The following NETO2 variants were observed in gnomAD, a reference collection of about 807,000 sequenced individuals.
NETO2 encodes neuropilin and tolloid like 2.
NETO2 carries 28 observed loss-of-function variants against 62.5 expected under a neutral mutation model. That is an observed-to-expected ratio of 0.45 (90% CI 0.33 to 0.61). The LOEUF (loss-of-function observed/expected upper bound fraction) is 0.61, where lower values mean the gene tolerates loss of function less well. Ranked by LOEUF, NETO2 falls within the 20% of genes least tolerant of loss-of-function variation. The pLI, the probability that NETO2 is intolerant of heterozygous loss-of-function variation, is 0.02. For missense variants in NETO2, 548 were observed against 643.2 expected, an observed-to-expected ratio of 0.85 and a Z score of 1.60; for synonymous variants, 214 against 219.1, an observed-to-expected ratio of 0.98 and a Z score of 0.21.
chr16:47,118,609 T>G (rs1249729774), intron 6 of NETO2, among the ~76,000 whole-genome samples: 1 of 152,258 alleles, frequency 6.6e-6, no homozygotes, highest in Non-Finnish European at 1.5e-5. Context: ...AATCATTATT[T>G]ATAATATTCT....
rs1183179839 is a variant in NETO2, at chr16:47,082,439, T to C, written c.*782A>G. The stretch of plus-strand genomic sequence containing the variant: ...TACTTGGTAAACTTCAAAGGCTTGC[T>C]AGAAATTTTTATCTTTTTCAAATTT... On this transcript the variant is annotated 3_prime_UTR_variant, in exon 9 of 9. Transcript: ENST00000562435. 1 of 152,262 alleles carries C rather than the reference T, an allele frequency of 6.6e-6. No homozygotes were observed. The highest frequency in any genetic ancestry group is 6.5e-5 in the Admixed American group (1 of 15,290). The allele number at this position is 152,262 out of a possible 1,614,324, so 9.4% of individuals were successfully genotyped here.
chr16:47,124,363 A>T (rs945599659), intron 4 of NETO2, among the ~76,000 whole-genome samples: 4 of 152,202 alleles, frequency 2.6e-5, no homozygotes, highest in Non-Finnish European at 5.9e-5. Context: ...TTGCATTAAA[A>T]TGTCCATAAT....
At chr16:47,130,853 A>G (rs1332144433) in intron 2 of NETO2, among the ~76,000 whole-genome samples, 2 of 152,196 alleles carry the variant, frequency 1.3e-5, no homozygotes, top group Non-Finnish European at 2.9e-5. Context: ...TAGGACCTAC[A>G]GCGCCTTAAA....
chr16:47,113,893 T>C (rs1963854599), intron 6 of NETO2, among the ~76,000 whole-genome samples: 1 of 152,178 alleles, frequency 6.6e-6, no homozygotes, highest in East Asian at 1.9e-4. Flanking sequence ...GCACCTGGCC[T>C]ATTCTTTTAA....
chr16:47,085,529 G>A (rs1376270979), intron 8 of NETO2, among the ~76,000 whole-genome samples: 10 of 151,574 alleles, frequency 6.6e-5, no homozygotes, highest in African/African-American at 2.2e-4. Flanking sequence ...TTACAGGCGC[G>A]TGCCACCACG....
At chr16:47,111,348 G>C (rs990464734) in intron 6 of NETO2, among the ~76,000 whole-genome samples, 2 of 152,114 alleles carry the variant, frequency 1.3e-5, no homozygotes, top group African/African-American at 4.8e-5. Context: ...TAAGGCTATA[G>C]TAAATGCTCT....
At chr16:47,139,573 A>G (rs568546208) in intron 1 of NETO2, among the ~76,000 whole-genome samples, 2 of 152,352 alleles carry the variant, frequency 1.3e-5, no homozygotes, top group South Asian at 4.1e-4. Context: ...ACAGAGTTCA[A>G]TTAGAGTCCA....
chr16:47,096,175 A>T (rs1241163976), intron 7 of NETO2, among the ~76,000 whole-genome samples: 1 of 152,208 alleles, frequency 6.6e-6, no homozygotes, highest in East Asian at 1.9e-4. Context: ...AGTAAAAGGG[A>T]AATTTACACC....
chr16:47,136,811 T>C (rs1964369108), intron 1 of NETO2, among the ~76,000 whole-genome samples: 1 of 151,586 alleles, frequency 6.6e-6, no homozygotes, highest in African/African-American at 2.4e-5. Flanking sequence ...TAAAAATAGA[T>C]CTCGCCTTCA....
intron 6 of NETO2, among the ~76,000 whole-genome samples, chr16:47,115,899 C>T (rs1183729128): frequency 6.6e-6 from 1 of 150,852 alleles, no homozygotes; most frequent in Non-Finnish European, 1.5e-5. Flanking sequence ...ACTGGTCTTC[C>T]ATCCTGCAAC....
intron 7 of NETO2, among the ~76,000 whole-genome samples, chr16:47,102,068 A>G (rs1963559842): frequency 6.6e-6 from 1 of 152,216 alleles, no homozygotes; most frequent in African/African-American, 2.4e-5. Flanking sequence ...ACAGCAAGGT[A>G]CTGGTATCAA....
At position 47,079,362 on chromosome 16, in the gene NETO2, G is replaced by C. The variant is rs865973301; in HGVS notation, c.*3859C>G. The stretch of plus-strand genomic sequence containing the variant: ...TGTAATCCCAGCACTTTGGGAGGCC[G>C]AGGCGGGTGGATCACGAGGTCAGGA... On this transcript the variant is annotated 3_prime_UTR_variant, in exon 9 of 9. Coordinates refer to ENST00000562435, the MANE Select transcript of NETO2 (RefSeq NM_018092.5). The C allele has an allele frequency of 3.1e-4, 47 of 151,200 alleles. No individual in the cohort carries two copies. In the Middle Eastern group the frequency reaches 0.017, roughly 55 times the overall value. 9.4% of individuals were successfully genotyped at this position (151,200 alleles called of 1,614,324 possible).
At position 47,139,210 on chromosome 16, in the gene NETO2, G is replaced by A. The variant is rs554730444; in HGVS notation, c.34+4369C>T. 5.4e-4 allele frequency among the ~76,000 whole-genome samples: 82 copies of A among 152,168 alleles called. 1 individual carries two copies. Among genetic ancestry groups the A allele is most frequent in the Non-Finnish European group, 7.6e-4 (52 of 68,026 alleles). ...TGAACACATGGGGGTGACTGAGCGC[G>A]ACTCCAGTGCATCTTCTTTGTAACC... is the stretch of plus-strand genomic sequence containing the variant. On this transcript the variant is annotated intron_variant, in intron 1 of 8. Transcript: ENST00000562435.
Position 47,083,618 on chromosome 16 carries a change from T to C in NETO2, c.1181A>G (p.Asp394Gly). 1 of 1,614,172 alleles carries C rather than the reference T, an allele frequency of 6.2e-7. No homozygotes were observed. Among genetic ancestry groups the C allele is most frequent in the Non-Finnish European group, 8.5e-7 (1 of 1,180,038 alleles). ...TGAAAACAGTTCATAATGAGGAGGA[T>C]CAAACACTTCTTGGAACCCGGTTTT... is the stretch of plus-strand genomic sequence containing the variant. ...FNKTGFQEVF[D>G]PPHYELFSLR... Residue 394 changes from aspartate to glycine, a missense_variant, in exon 9 of 9, where the codon GAT becomes GGT. Transcript: ENST00000562435.
intron 7 of NETO2, among the ~76,000 whole-genome samples, chr16:47,100,323 ATT>A (rs1963514778): frequency 1.3e-5 from 2 of 152,248 alleles, no homozygotes; most frequent in South Asian, 4.1e-4. Context: ...TTAGAGGGAA[ATT>A]TACAGCACTA....
At chr16:47,138,313 T>A (rs1029747614) in intron 1 of NETO2, among the ~76,000 whole-genome samples, 8 of 152,154 alleles carry the variant, frequency 5.3e-5, no homozygotes, top group African/African-American at 1.9e-4. Flanking sequence ...GGCAGGAGAA[T>A]CGCTTGAACC....
At chr16:47,105,530 G>T (rs1963655772) in intron 7 of NETO2, among the ~76,000 whole-genome samples, 1 of 151,898 alleles carries the variant, frequency 6.6e-6, no homozygotes, top group Admixed American at 6.6e-5. Flanking sequence ...TACCCAAAAG[G>T]ACACTATATC....
intron 4 of NETO2, among the ~76,000 whole-genome samples, chr16:47,124,707 G>C (rs916616325): frequency 6.6e-6 from 1 of 152,168 alleles, no homozygotes; most frequent in Admixed American, 6.5e-5. Flanking sequence ...GTATTGCCTA[G>C]TGAAATGCAA....
chr16:47,113,860 TG>T (rs1963853927), intron 6 of NETO2, among the ~76,000 whole-genome samples: 1 of 152,182 alleles, frequency 6.6e-6, no homozygotes, highest in Non-Finnish European at 1.5e-5. Context: ...CCCAAAGTGC[TG>T]GGATTATAGG....
Sources: allele counts gnomAD v4.1 joint callset (sites outside exome capture counted in the v4.1 genomes callset), GRCh38; gene constraint gnomAD v4.1.1; transcripts MANE v1.5; gene names NCBI Gene and HGNC (gene_info 2026-07-23, HGNC 2026-07-21).